Variants in ALOX5AP observed in about 807,000 individuals in gnomAD.
ALOX5AP encodes arachidonate 5-lipoxygenase activating protein.
In ALOX5AP, 9 loss-of-function variants were observed where a neutral mutation model predicts 18.5. The observed-to-expected ratio is 0.49, with a 90% CI of 0.29 to 0.85. The LOEUF (loss-of-function observed/expected upper bound fraction) is 0.85. ALOX5AP is among the 40% of genes least tolerant of loss of function. The pLI is 0.08. For synonymous variants in ALOX5AP, 81 were observed against 78.6 expected, an observed-to-expected ratio of 1.03 and a Z score of -0.16; for missense variants, 172 against 202.5, an observed-to-expected ratio of 0.85 and a Z score of 0.91.
intron 1 of ALOX5AP, among the ~76,000 whole-genome samples, chr13:30,728,347 T>G (rs1372564841): frequency 3.9e-5 from 6 of 152,242 alleles, no homozygotes; most frequent in African/African-American, 1.4e-4. Flanking sequence ...ACTCAGTTTG[T>G]GCTACTTTGT....
At chr13:30,741,402 T>C (rs1951763386) in intron 1 of ALOX5AP, among the ~76,000 whole-genome samples, 1 of 150,150 alleles carries the variant, frequency 6.7e-6, no homozygotes, top group South Asian at 2.1e-4. Flanking sequence ...TTTTTTTTTT[T>C]TTTTTCTTTT....
chr13:30,727,060 CT>C (rs35918047), intron 1 of ALOX5AP, among the ~76,000 whole-genome samples: 134,093 of 141,794 alleles, frequency 0.95, 63,365 homozygotes, highest in Middle Eastern at 0.96. Context: ...ATGATTTTGC[CT>C]TTTTTTTTTT....
intron 4 of ALOX5AP, among the ~76,000 whole-genome samples, chr13:30,762,497 G>A (rs1593447781): frequency 6.6e-6 from 1 of 151,886 alleles, no homozygotes; most frequent in Non-Finnish European, 1.5e-5. Context: ...GCTGAGGCAG[G>A]AGAATCGCTT....
At chr13:30,744,438 G>T in intron 2 of ALOX5AP, 2 of 312,660 alleles carry the variant, frequency 6.4e-6, no homozygotes, top group South Asian at 8.0e-5. Context: ...GAGTCATTTG[G>T]TTAGAGAAGT....
chr13:30,731,747 G>T (rs115538279), upstream of ALOX5AP, among the ~76,000 whole-genome samples: 952 of 152,298 alleles, frequency 6.3e-3, 14 homozygotes, highest in African/African-American at 0.022. Context: ...TCCCTCAGAG[G>T]GTTGCACTGA....
At chr13:30,730,706 C>T (rs758510666), upstream of ALOX5AP, among the ~76,000 whole-genome samples, 11 of 152,176 alleles carry the variant, frequency 7.2e-5, no homozygotes, top group African/African-American at 1.9e-4. Flanking sequence ...GGCTGACAGC[C>T]GGGCATAGTG....
rs188027826 is a variant in ALOX5AP, at chr13:30,736,355, A to T, written c.70+680A>T. Among the ~76,000 whole-genome samples the T allele has an allele frequency of 1.1e-3, 171 of 151,822 alleles. 1 individual carries two copies. The highest frequency in any genetic ancestry group is 4.0e-3 in the African/African-American group (165 of 41,380). ...ATTATTCCTGCTATTAGTTAAAAAC[A>T]ACAACAACAACAAAAAACAAGCAGG... On this transcript the variant is annotated intron_variant, in intron 1 of 4. Coordinates refer to ENST00000380490, the MANE Select transcript of ALOX5AP (RefSeq NM_001629.4).
At chr13:30,745,177 A>G (rs1471740585) in intron 2 of ALOX5AP, among the ~76,000 whole-genome samples, 1 of 152,162 alleles carries the variant, frequency 6.6e-6, no homozygotes, top group Non-Finnish European at 1.5e-5. Flanking sequence ...ACAGGCCTAT[A>G]TCACACTCAC....
At chr13:30,720,140 G>T (rs1018477370) in intron 1 of ALOX5AP, among the ~76,000 whole-genome samples, 2 of 152,302 alleles carry the variant, frequency 1.3e-5, no homozygotes, top group Non-Finnish European at 2.9e-5. Context: ...GATTACAGGC[G>T]TGAGCCACCG....
rs537893571 is a variant in ALOX5AP, at chr13:30,754,890, G to A, written c.242-1054G>A. ...TAACACACTCCTTACCAGAGAGCTG[G>A]GAGGATTGGAGACTCAAGTTCCCAA... On this transcript the variant is annotated intron_variant, in intron 3 of 4. Transcript: ENST00000380490. 1.8e-4 allele frequency among the ~76,000 whole-genome samples: 27 copies of A among 152,366 alleles called. No homozygotes were observed. The East Asian group carries it at 4.8e-3, about 27-fold the overall frequency.
chr13:30,763,177 G>A (rs9315052), intron 4 of ALOX5AP, among the ~76,000 whole-genome samples: 16,811 of 152,158 alleles, frequency 0.11, 1,292 homozygotes, highest in African/African-American at 0.22. Context: ...GAGTGGTGGC[G>A]TGCGCCTGTA....
At chr13:30,744,651 A>T (rs1018560028) in intron 2 of ALOX5AP, among the ~76,000 whole-genome samples, 2 of 152,240 alleles carry the variant, frequency 1.3e-5, no homozygotes, top group African/African-American at 2.4e-5. Context: ...TAGAACAAGA[A>T]CAGAAAGAAT....
At chr13:30,734,450 G>A (rs1048109783), upstream of ALOX5AP, among the ~76,000 whole-genome samples, 1 of 152,200 alleles carries the variant, frequency 6.6e-6, no homozygotes, top group Non-Finnish European at 1.5e-5. Flanking sequence ...TTTGATAAAA[G>A]CACCTCTTAA....
chr13:30,729,028 C>T (rs1951659730), intron 1 of ALOX5AP, among the ~76,000 whole-genome samples: 1 of 152,166 alleles, frequency 6.6e-6, no homozygotes. Context: ...TTGTATTTCC[C>T]TAGTGATTAA....
chr13:30,719,817 G>A (rs1445601715), intron 1 of ALOX5AP, among the ~76,000 whole-genome samples: 2 of 152,052 alleles, frequency 1.3e-5, no homozygotes, highest in African/African-American at 4.8e-5. Flanking sequence ...GAGAACAGTA[G>A]GACTGTAGTT....
intron 1 of ALOX5AP, among the ~76,000 whole-genome samples, chr13:30,739,928 T>A (rs190698116): frequency 3.0e-4 from 45 of 152,340 alleles, no homozygotes; most frequent in African/African-American, 1.1e-3. Flanking sequence ...AGTTCTTTCT[T>A]ATGTTGAGCT....
rs544191795 is a variant in ALOX5AP at position 30,743,542 on chromosome 13, A to AAC, written c.71-516_71-515dup. Among the ~76,000 whole-genome samples the AAC allele has an allele frequency of 2.0e-5, 3 of 152,054 alleles. No individual in the cohort carries two copies. In the South Asian group the frequency reaches 6.2e-4, roughly 32 times the overall value. ...GCCCTCCATTCCCCCTCCTTGGCTGAACATTCTGAACCACAGACAGTTCTT... is the reference window on the plus strand; with the variant it reads ...GCCCTCCATTCCCCCTCCTTGGCTGAACACATTCTGAACCACAGACAGTTCTT... On this transcript the variant is annotated intron_variant, in intron 1 of 4. Coordinates refer to ENST00000380490, the MANE Select transcript of ALOX5AP (RefSeq NM_001629.4).
At position 30,744,109 on chromosome 13, in the gene ALOX5AP, G is replaced by A. The variant is rs1345489092; in HGVS notation, c.120G>A (p.Arg40=). The part of the protein sequence containing the change: ...VEHESRTQNG[R]SFQRTGTLAF... ...ACGAAAGCAGGACCCAGAATGGGAGGAGCTTCCAGAGGACCGGAACACTTG... is the reference window on the plus strand; with the variant it reads ...ACGAAAGCAGGACCCAGAATGGGAGAAGCTTCCAGAGGACCGGAACACTTG... The change falls in exon 2 of 5, where the codon AGG becomes AGA. Residue 40 remains arginine, a synonymous_variant. Coordinates refer to ENST00000380490, the MANE Select transcript of ALOX5AP (RefSeq NM_001629.4). 3.1e-6 allele frequency: 5 copies of A among 1,614,046 alleles called. No homozygotes were observed. The African/African-American group carries it at 6.7e-5, about 22-fold the overall frequency.
At chr13:30,749,144 A>G (rs1353576242) in intron 2 of ALOX5AP, among the ~76,000 whole-genome samples, 2 of 152,230 alleles carry the variant, frequency 1.3e-5, no homozygotes, top group Non-Finnish European at 2.9e-5. Context: ...CAGGCTGACC[A>G]TGTTTTATTA....
Sources: gnomAD v4.1 joint callset for allele counts (sites outside exome capture counted in the v4.1 genomes callset) on GRCh38, gnomAD v4.1.1 for gene constraint, MANE v1.5 for transcripts, NCBI Gene and HGNC (gene_info 2026-07-23, HGNC 2026-07-21) for gene names.